PCDHGB1: variants seen among roughly 807,000 people sequenced by gnomAD.
PCDHGB1 encodes the protein protocadherin gamma-B1.
PCDHGB1 carries 34 observed loss-of-function variants against 56.6 expected under a neutral mutation model. That is an observed-to-expected ratio of 0.60 (90% CI 0.46 to 0.80). The LOEUF is 0.80. Ranked by LOEUF, PCDHGB1 falls within the 30% of genes least tolerant of loss-of-function variation. The pLI, the probability that PCDHGB1 is intolerant of heterozygous loss-of-function variation, is 0.00. For synonymous variants in PCDHGB1, 561 were observed against 505.9 expected, an observed-to-expected ratio of 1.11 and a Z score of -1.46; for missense variants, 1,278 against 1,204.6, an observed-to-expected ratio of 1.06 and a Z score of -0.90.
At chr5:141,364,827 C>T in intron 1 of PCDHGB1, 1 of 1,613,996 alleles carries the variant, frequency 6.2e-7, no homozygotes, top group Non-Finnish European at 8.5e-7. Flanking sequence ...GGTGTGAACT[C>T]TCTCCGGAGT....
In PCDHGB1 at chr5:141,487,046, G is replaced by A; in HGVS notation, c.2410-7761G>A. ...CAGCCTGTTTGCAGTCTCTCGATATGCTGGGGAGGTGCGGACGGCTGTTCC... is the reference window on the plus strand; with the variant it reads ...CAGCCTGTTTGCAGTCTCTCGATATACTGGGGAGGTGCGGACGGCTGTTCC... On this transcript the variant is annotated intron_variant, in intron 1 of 3. Coordinates refer to ENST00000523390, the MANE Select transcript of PCDHGB1 (RefSeq NM_018922.3). The surrounding 1 kb of genome is among the most constrained non-coding windows in gnomAD (Gnocchi z 5.0). 6.2e-7 allele frequency: 1 copy of A among 1,614,192 alleles called. No individual in the cohort carries two copies. Among genetic ancestry groups the A allele is most frequent in the Non-Finnish European group, 8.5e-7 (1 of 1,180,040 alleles).
chr5:141,476,157 G>A lies in PCDHGB1; in HGVS notation c.2410-18650G>A. On this transcript the variant is annotated intron_variant, in intron 1 of 3. Transcript: ENST00000523390. The surrounding 1 kb of genome is among the most constrained non-coding windows in gnomAD (Gnocchi z 7.6). ...TGGAGGAGCGGACTGGTAAGCACCG[G>A]GAGGGTAGTGGGAGTTTTGCTTCTG... 1 of 1,612,752 alleles carries A rather than the reference G, an allele frequency of 6.2e-7. No homozygotes were observed. Among genetic ancestry groups the A allele is most frequent in the Non-Finnish European group, 8.5e-7 (1 of 1,179,898 alleles).
At chr5:141,473,974 C>A (rs958240236) in intron 1 of PCDHGB1, among the ~76,000 whole-genome samples, 1 of 152,054 alleles carries the variant, frequency 6.6e-6, no homozygotes, top group Non-Finnish European at 1.5e-5. Flanking sequence ...AAGTCTGAGG[C>A]GGGAGGATCC....
At chr5:141,414,106 C>G (rs1424739885) in intron 1 of PCDHGB1, 2 of 1,592,536 alleles carry the variant, frequency 1.3e-6, no homozygotes, top group Non-Finnish European at 1.7e-6. Context: ...ATCAGAAAAT[C>G]TAGATTATGA....
chr5:141,375,590 T>C (rs750456402), intron 1 of PCDHGB1: 1 of 1,614,162 alleles, frequency 6.2e-7, no homozygotes, highest in South Asian at 1.1e-5. Flanking sequence ...GCCCCTGTCC[T>C]CCTACGTGTC....
intron 1 of PCDHGB1, among the ~76,000 whole-genome samples, chr5:141,480,911 G>A (rs2154578422): frequency 6.6e-6 from 1 of 152,218 alleles, no homozygotes; most frequent in East Asian, 1.9e-4. Flanking sequence ...TGGGCATGGT[G>A]GCGCATACCT....
chr5:141,389,274 C>A, intron 1 of PCDHGB1: 1 of 1,614,032 alleles, frequency 6.2e-7, no homozygotes, highest in Non-Finnish European at 8.5e-7. Flanking sequence ...CGAGAACAAC[C>A]CGCCTGGAGC....
intron 1 of PCDHGB1, chr5:141,423,829 A>G: frequency 7.9e-7 from 1 of 1,268,964 alleles, no homozygotes; most frequent in Non-Finnish European, 9.9e-7. Flanking sequence ...GCCTTTCATG[A>G]GATTACGATA....
intron 1 of PCDHGB1, among the ~76,000 whole-genome samples, chr5:141,444,062 A>G (rs1335403906): frequency 6.7e-6 from 1 of 149,402 alleles, no homozygotes; most frequent in African/African-American, 2.5e-5. Context: ...TTCAATCTAG[A>G]TTCTGATGCT....
intron 1 of PCDHGB1, chr5:141,377,067 G>A (rs1202945515): frequency 6.6e-6 from 1 of 152,572 alleles, no homozygotes; most frequent in Non-Finnish European, 1.5e-5. Context: ...CCTTTGCAGA[G>A]AGTCACATAA....
At chr5:141,368,627 T>C (rs1237870416) in intron 1 of PCDHGB1, among the ~76,000 whole-genome samples, 2 of 152,216 alleles carry the variant, frequency 1.3e-5, no homozygotes, top group Non-Finnish European at 2.9e-5. Context: ...ACATTTCTTC[T>C]GAGTTAAATG....
rs202162316 is a variant in PCDHGB1, at chr5:141,490,194, T to C, written c.2410-4613T>C. ...TTGAGGAGTCACGTTTCTATGAAAT[T>C]CATGCAAGAGCCCGTGACCAGGGAC... is the stretch of plus-strand genomic sequence containing the variant. On this transcript the variant is annotated intron_variant, in intron 1 of 3. Transcript: ENST00000523390. The surrounding 1 kb of genome is among the most constrained non-coding windows in gnomAD (Gnocchi z 5.4). The C allele has an allele frequency of 8.1e-6, 13 of 1,614,186 alleles. No individual in the cohort carries two copies. The highest frequency in any genetic ancestry group is 1.1e-5 in the Non-Finnish European group (13 of 1,180,030).
At chr5:141,418,603 G>A (rs769167342) in intron 1 of PCDHGB1, 7 of 1,613,902 alleles carry the variant, frequency 4.3e-6, no homozygotes, top group East Asian at 4.5e-5. Context: ...ACGTGTACAG[G>A]GTTAGCCTTC....
At chr5:141,383,300 T>C in intron 1 of PCDHGB1, 1 of 1,613,968 alleles carries the variant, frequency 6.2e-7, no homozygotes, top group Non-Finnish European at 8.5e-7. Context: ...CCAAGATTCT[T>C]GACGGAAGAA....
At chr5:141,509,344 T>A (rs2099876374) in intron 3 of PCDHGB1, among the ~76,000 whole-genome samples, 1 of 152,202 alleles carries the variant, frequency 6.6e-6, no homozygotes, top group Admixed American at 6.5e-5. Flanking sequence ...GGGCCTGGGC[T>A]GGCCTGGGCA....
Position 141,422,887 on chromosome 5 carries a change from C to G in PCDHGB1, c.2409+70218C>G, listed in dbSNP as rs2154549815. ...CAACGTGTCGCTGAGCCTGTTCGTG[C>G]TGGACCAGAACGACAATGCGCCCGA... On this transcript the variant is annotated intron_variant, in intron 1 of 3. Coordinates refer to ENST00000523390, the MANE Select transcript of PCDHGB1 (RefSeq NM_018922.3). The G allele has an allele frequency of 2.5e-6, 4 of 1,614,264 alleles. No homozygotes were observed. In the Middle Eastern group the frequency reaches 4.9e-4, roughly 200 times the overall value.
intron 1 of PCDHGB1, chr5:141,361,599 C>T (rs765204837): frequency 6.2e-7 from 1 of 1,614,058 alleles, no homozygotes; most frequent in Non-Finnish European, 8.5e-7. Flanking sequence ...GCCAAGTTTC[C>T]TACTCCATCG....
In PCDHGB1 at chr5:141,389,898, GA is replaced by G. The variant is rs916636012; in HGVS notation, c.2409+37230del. ...CGACAGCTTGCAGGAGGTGCTGCCGGATATCACTGACCGCCCCGACCCCTCT... is the reference window on the plus strand; with the variant it reads ...CGACAGCTTGCAGGAGGTGCTGCCGGTATCACTGACCGCCCCGACCCCTCT... On this transcript the variant is annotated intron_variant, in intron 1 of 3. Coordinates refer to ENST00000523390, the MANE Select transcript of PCDHGB1 (RefSeq NM_018922.3). 3.1e-6 allele frequency: 5 copies of G among 1,613,952 alleles called. No homozygotes were observed. In the African/African-American group the frequency reaches 5.3e-5, roughly 17 times the overall value.
intron 1 of PCDHGB1, chr5:141,414,689 T>G (rs1256681548): frequency 1.2e-6 from 2 of 1,614,070 alleles, no homozygotes; most frequent in Non-Finnish European, 8.5e-7. Context: ...GGGGTACCTC[T>G]GTCCTCATAC....
Sources: gnomAD v4.1 joint callset for allele counts (sites outside exome capture counted in the v4.1 genomes callset) on GRCh38, gnomAD v4.1.1 for gene constraint, Gnocchi (gnomAD v3.1) non-coding constraint, MANE v1.5 for transcripts, NCBI Gene and HGNC (gene_info 2026-07-23, HGNC 2026-07-21) for gene names.